Variants in CSMD1 observed in about 807,000 individuals in gnomAD.
The protein encoded by CSMD1 is CUB and Sushi multiple domains 1, also known as CUB and sushi domain-containing protein 1.
CSMD1 carries 213 observed loss-of-function variants against 417.5 expected under a neutral mutation model. That is an observed-to-expected ratio of 0.51 (90% CI 0.46 to 0.57). CSMD1 has a LOEUF of 0.57. Ranked by LOEUF, CSMD1 falls within the 20% of genes least tolerant of loss-of-function variation. CSMD1 has a pLI of 0.00. For missense variants in CSMD1, 6,923 were observed against 4,529.7 expected, an observed-to-expected ratio of 1.53 and a Z score of -15.17; for synonymous variants, 2,862 against 1,736.8, an observed-to-expected ratio of 1.65 and a Z score of -16.11.
At chr8:4,045,290 G>T (rs1563358584) in intron 3 of CSMD1, among the ~76,000 whole-genome samples, 1 of 152,188 alleles carries the variant, frequency 6.6e-6, no homozygotes, top group Admixed American at 6.5e-5. Flanking sequence ...ATATACTACA[G>T]GAATTCTGTC....
intron 3 of CSMD1, among the ~76,000 whole-genome samples, chr8:4,267,740 T>A (rs1465275355): frequency 6.6e-6 from 1 of 152,110 alleles, no homozygotes; most frequent in Non-Finnish European, 1.5e-5. Context: ...TATTCCAAAT[T>A]GTAAGGTGCC....
chr8:3,954,136 G>T (rs921736206), intron 5 of CSMD1, among the ~76,000 whole-genome samples: 26 of 152,300 alleles, frequency 1.7e-4, no homozygotes, highest in African/African-American at 6.0e-4. Context: ...TTTCCCGAGG[G>T]GAATCACATA....
At chr8:4,471,964 C>G (rs1050921199) in intron 2 of CSMD1, among the ~76,000 whole-genome samples, 3 of 152,092 alleles carry the variant, frequency 2.0e-5, no homozygotes, top group Non-Finnish European at 2.9e-5. Flanking sequence ...GAATAGGAAG[C>G]CTTCTAAGCG....
At chr8:4,037,007 T>C (rs993560220) in intron 3 of CSMD1, among the ~76,000 whole-genome samples, 5 of 151,034 alleles carry the variant, frequency 3.3e-5, no homozygotes, top group African/African-American at 1.2e-4. Flanking sequence ...GATCCTGCCA[T>C]GGTAGTGTGT....
chr8:3,989,152 G>A (rs1386884720), intron 5 of CSMD1, among the ~76,000 whole-genome samples: 1 of 152,204 alleles, frequency 6.6e-6, no homozygotes, highest in East Asian at 1.9e-4. Flanking sequence ...TTTGCTAAGG[G>A]TTTTCCAAGC....
At chr8:4,823,054 T>G (rs1296766457) in intron 1 of CSMD1, among the ~76,000 whole-genome samples, 1 of 152,128 alleles carries the variant, frequency 6.6e-6, no homozygotes, top group African/African-American at 2.4e-5. Context: ...AAATGCATTT[T>G]TGCCACTCTG....
At chr8:4,697,909 A>G (rs1807241972) in intron 1 of CSMD1, among the ~76,000 whole-genome samples, 1 of 152,192 alleles carries the variant, frequency 6.6e-6, no homozygotes, top group South Asian at 2.1e-4. Flanking sequence ...TAAGAATAAC[A>G]CAGACTGCCA....
chr8:4,919,752 G>T (rs919720490), intron 1 of CSMD1, among the ~76,000 whole-genome samples: 1 of 152,170 alleles, frequency 6.6e-6, no homozygotes, highest in Non-Finnish European at 1.5e-5. Flanking sequence ...TAGAATAAGT[G>T]ATTAGCCTGT....
At chr8:3,649,232 T>C (rs1797725975) in intron 7 of CSMD1, among the ~76,000 whole-genome samples, 2 of 152,226 alleles carry the variant, frequency 1.3e-5, no homozygotes, top group Non-Finnish European at 2.9e-5. Flanking sequence ...CCCTGCTTTA[T>C]ATATTCTTCT....
intron 5 of CSMD1, among the ~76,000 whole-genome samples, chr8:3,981,198 C>A (rs1428756622): frequency 6.6e-6 from 1 of 152,220 alleles, no homozygotes; most frequent in Non-Finnish European, 1.5e-5. Context: ...CCATAGTTTT[C>A]TTCAGTAAAG....
intron 3 of CSMD1, among the ~76,000 whole-genome samples, chr8:4,358,890 A>C (rs1002482483): frequency 3.3e-5 from 5 of 152,168 alleles, no homozygotes; most frequent in African/African-American, 9.7e-5. Flanking sequence ...CATAAACCTA[A>C]AACTACAGGA....
At chr8:4,601,958 C>G (rs556114762) in intron 2 of CSMD1, among the ~76,000 whole-genome samples, 1 of 152,142 alleles carries the variant, frequency 6.6e-6, no homozygotes, top group Non-Finnish European at 1.5e-5. Flanking sequence ...GCTGGAGGAA[C>G]CTCCTCAGAG....
intron 3 of CSMD1, among the ~76,000 whole-genome samples, chr8:4,267,901 C>A (rs181366439): frequency 6.6e-6 from 1 of 152,084 alleles, no homozygotes; most frequent in Non-Finnish European, 1.5e-5. Flanking sequence ...ACTGTAATGA[C>A]TGAAATAAAA....
chr8:4,152,410 G>A (rs1048318086), intron 3 of CSMD1, among the ~76,000 whole-genome samples: 1 of 152,120 alleles, frequency 6.6e-6, no homozygotes, highest in African/African-American at 2.4e-5. Flanking sequence ...CAGGCACAGT[G>A]GCTCACACCT....
chr8:4,548,450 T>G (rs1797727019), intron 2 of CSMD1, among the ~76,000 whole-genome samples: 1 of 152,156 alleles, frequency 6.6e-6, no homozygotes, highest in South Asian at 2.1e-4. Context: ...CATATAAATA[T>G]GAAATCAATG....
chr8:4,042,096 G>C (rs142153235), intron 3 of CSMD1, among the ~76,000 whole-genome samples: 5 of 152,122 alleles, frequency 3.3e-5, no homozygotes, highest in Non-Finnish European at 7.4e-5. Context: ...AACACAAAGA[G>C]GGACAGAAAA....
At chr8:3,738,467 G>A (rs1796635276) in intron 6 of CSMD1, among the ~76,000 whole-genome samples, 1 of 152,168 alleles carries the variant, frequency 6.6e-6, no homozygotes, top group African/African-American at 2.4e-5. Flanking sequence ...GCTCATATGT[G>A]CAGTGAATAC....
intron 26 of CSMD1, among the ~76,000 whole-genome samples, chr8:3,267,608 GC>G (rs1184054849): frequency 3.3e-5 from 5 of 152,174 alleles, no homozygotes; most frequent in African/African-American, 1.2e-4. Context: ...TGGCATCGCT[GC>G]TGATAGGAAA....
intron 3 of CSMD1, among the ~76,000 whole-genome samples, chr8:4,334,396 G>C (rs1026567090): frequency 6.6e-6 from 1 of 152,022 alleles, no homozygotes; most frequent in South Asian, 2.1e-4. Flanking sequence ...CAATCTGAGG[G>C]GAACTTTAAG....
Sources: allele counts gnomAD v4.1 joint callset (sites outside exome capture counted in the v4.1 genomes callset), GRCh38; gene constraint gnomAD v4.1.1; transcripts MANE v1.5; gene names NCBI Gene and HGNC (gene_info 2026-07-23, HGNC 2026-07-21).